The following DNAJC1 variants were observed in gnomAD, a reference collection of about 807,000 sequenced individuals.
The protein encoded by DNAJC1 is dnaJ homolog subfamily C member 1.
In DNAJC1, 58 loss-of-function variants were observed where a neutral mutation model predicts 76.6. The ratio of observed to expected loss-of-function variants is 0.76; its 90% CI spans 0.61 to 0.94. The LOEUF is 0.94. Ranked by LOEUF, DNAJC1 falls within the 40% of genes least tolerant of loss-of-function variation. The pLI, the probability that DNAJC1 is intolerant of heterozygous loss-of-function variation, is 0.00. For missense variants in DNAJC1, 689 were observed against 677.3 expected, an observed-to-expected ratio of 1.02 and a Z score of -0.19; for synonymous variants, 258 against 267.9, an observed-to-expected ratio of 0.96 and a Z score of 0.36.
At chr10:21,849,579 A>T (rs1167746988) in intron 8 of DNAJC1, among the ~76,000 whole-genome samples, 3 of 152,144 alleles carry the variant, frequency 2.0e-5, no homozygotes, top group African/African-American at 7.2e-5. Flanking sequence ...ATCTTAAAAA[A>T]TCTGAAGAGA....
rs958446262 is a variant in DNAJC1 at position 21,929,140 on chromosome 10, T to C, written c.224A>G (p.Asp75Gly). The C allele has an allele frequency of 1.9e-6, 3 of 1,605,012 alleles. No homozygotes were observed. Among genetic ancestry groups the C allele is most frequent in the Non-Finnish European group, 2.6e-6 (3 of 1,174,904 alleles). The change falls in exon 2 of 12, where the codon GAT becomes GGT. Residue 75 changes from aspartate (D) to glycine (G), a missense_variant and splice_region_variant. Physicochemically the swap from Asp to Gly is moderately conservative, Grantham distance 94 (BLOSUM62 -1). Transcript: ENST00000376980. Reference protein sequence around the residue: ...NFYQFLGVQQDASSADIRKAY... With the variant: ...NFYQFLGVQQGASSADIRKAY... ...TTTTCTGATGTCTGCAGATGATGCA[T>C]CCTGGAGGTGGTAGGGGGAGGGGAA...
At chr10:21,807,536 C>G (rs1184107621) in intron 8 of DNAJC1, among the ~76,000 whole-genome samples, 3 of 152,182 alleles carry the variant, frequency 2.0e-5, no homozygotes, top group Non-Finnish European at 4.4e-5. Context: ...AAAGGCTCTC[C>G]CATTTGCATT....
intron 1 of DNAJC1, among the ~76,000 whole-genome samples, chr10:21,979,076 A>G (rs2131835626): frequency 6.6e-6 from 1 of 151,876 alleles, no homozygotes; most frequent in Admixed American, 6.6e-5. Context: ...TTCCCCTGGC[A>G]CATTCATTTT....
chr10:21,775,331 CTTTTTTTTTTTTT>C (rs34444920), intron 9 of DNAJC1, among the ~76,000 whole-genome samples: 2 of 49,668 alleles, frequency 4.0e-5, no homozygotes, highest in African/African-American at 1.4e-4. Flanking sequence ...CTGCAAATGG[CTTTTTTTTTTTTT>C]TTTTTTTTTT....
At chr10:21,821,298 G>A (rs187988147) in intron 8 of DNAJC1, among the ~76,000 whole-genome samples, 69 of 152,248 alleles carry the variant, frequency 4.5e-4, no homozygotes, top group African/African-American at 1.5e-3. Flanking sequence ...CAACATCTAT[G>A]TGAGTTATGA....
chr10:21,913,645 G>T (rs1035655678), intron 6 of DNAJC1, among the ~76,000 whole-genome samples: 2 of 152,130 alleles, frequency 1.3e-5, no homozygotes, highest in African/African-American at 4.8e-5. Context: ...GCATTTTGGA[G>T]GTTACAAAAA....
intron 8 of DNAJC1, among the ~76,000 whole-genome samples, chr10:21,829,953 G>C (rs1321241279): frequency 1.3e-5 from 2 of 152,192 alleles, no homozygotes; most frequent in African/African-American, 4.8e-5. Flanking sequence ...CTACAGTAAT[G>C]AATATCCAAT....
chr10:21,860,726 CAAACAA>C (rs1835906621), intron 8 of DNAJC1: 2 of 163,806 alleles, frequency 1.2e-5, no homozygotes, highest in African/African-American at 5.0e-5. Context: ...AACAAACAAA[CAAACAA>C]ACAAAACGTA....
At chr10:21,902,096 C>G (rs767679422) in intron 7 of DNAJC1, among the ~76,000 whole-genome samples, 1 of 151,748 alleles carries the variant, frequency 6.6e-6, no homozygotes, top group Non-Finnish European at 1.5e-5. Context: ...CTAAATATAC[C>G]ACTGATAAAA....
chr10:21,813,376 C>T (rs1835021030), intron 8 of DNAJC1, among the ~76,000 whole-genome samples: 2 of 138,404 alleles, frequency 1.4e-5, no homozygotes, highest in Admixed American at 7.4e-5. Context: ...CCCTCAAGGT[C>T]AAAGGGCAAA....
chr10:21,856,506 T>A (rs1835834360), intron 8 of DNAJC1, among the ~76,000 whole-genome samples: 1 of 152,190 alleles, frequency 6.6e-6, no homozygotes, highest in Admixed American at 6.5e-5. Flanking sequence ...TTTCGGTGTT[T>A]CACGTTGATA....
intron 1 of DNAJC1, among the ~76,000 whole-genome samples, chr10:21,958,438 T>G (rs896041287): frequency 3.3e-5 from 5 of 152,004 alleles, no homozygotes; most frequent in Non-Finnish European, 2.9e-5. Context: ...TGTCTTTTTT[T>G]TTTTTTTTGA....
At chr10:21,885,548 T>G (rs1292691119) in intron 7 of DNAJC1, among the ~76,000 whole-genome samples, 4 of 152,160 alleles carry the variant, frequency 2.6e-5, no homozygotes, top group Admixed American at 2.0e-4. Flanking sequence ...TTCTTCTCCT[T>G]GCCACATGGC....
chr10:21,918,327 T>C (rs1590048490), intron 6 of DNAJC1, among the ~76,000 whole-genome samples: 1 of 150,672 alleles, frequency 6.6e-6, no homozygotes, highest in African/African-American at 2.4e-5. Context: ...GCAAATAAAA[T>C]GGAAAGCAAT....
chr10:21,881,844 TAAAAAAAAAAAA>T (rs1002377641), intron 8 of DNAJC1, among the ~76,000 whole-genome samples: 2 of 55,414 alleles, frequency 3.6e-5, no homozygotes, highest in African/African-American at 6.6e-5. Context: ...CCTCAATTTG[TAAAAAAAAAAAA>T]AAAAAAAAAA....
rs1156563509 is a variant in DNAJC1 at position 21,777,079 on chromosome 10, A to G, written c.1099-10770T>C. Among the ~76,000 whole-genome samples the G allele has an allele frequency of 2.0e-5, 3 of 152,356 alleles. No individual in the cohort carries two copies. In the East Asian group the frequency reaches 5.8e-4, roughly 29 times the overall value. ...AATCAGAGTAATAAAATAAATGCTTACTAGGCAGTATGATAACATCACCAG... is the reference window on the plus strand; with the variant it reads ...AATCAGAGTAATAAAATAAATGCTTGCTAGGCAGTATGATAACATCACCAG... On this transcript the variant is annotated intron_variant, in intron 9 of 11. Transcript: ENST00000376980.
chr10:21,807,433 C>G (rs1250916174), intron 8 of DNAJC1, among the ~76,000 whole-genome samples: 1 of 152,192 alleles, frequency 6.6e-6, no homozygotes, highest in Non-Finnish European at 1.5e-5. Context: ...ACTGTCTCCC[C>G]CAATCAATGG....
At chr10:21,945,403 T>C (rs1259461224) in intron 1 of DNAJC1, among the ~76,000 whole-genome samples, 1 of 152,180 alleles carries the variant, frequency 6.6e-6, no homozygotes, top group African/African-American at 2.4e-5. Context: ...TAAAGAAACA[T>C]ATCTACATAA....
At chr10:21,828,725 A>G (rs955826612) in intron 8 of DNAJC1, among the ~76,000 whole-genome samples, 1 of 152,242 alleles carries the variant, frequency 6.6e-6, no homozygotes. Context: ...ACATTAGAAA[A>G]TAACTTTTTG....
Sources: gnomAD v4.1 joint callset for allele counts (sites outside exome capture counted in the v4.1 genomes callset) on GRCh38, gnomAD v4.1.1 for gene constraint, MANE v1.5 for transcripts, NCBI Gene and HGNC (gene_info 2026-07-23, HGNC 2026-07-21) for gene names.